DOCK2: variants seen among roughly 807,000 people sequenced by gnomAD.
DOCK2 encodes dedicator of cytokinesis 2, also known as dedicator of cytokinesis protein 2.
Under a neutral mutation model 248.9 loss-of-function variants are expected in DOCK2, and 87 were observed. The observed-to-expected ratio is 0.35, with a 90% CI of 0.29 to 0.42. The LOEUF (loss-of-function observed/expected upper bound fraction) is 0.42, where lower values mean the gene tolerates loss of function less well. DOCK2 is among the 10% of genes least tolerant of loss of function. The pLI is 1.00. For synonymous variants in DOCK2, 805 were observed against 821.6 expected, an observed-to-expected ratio of 0.98 and a Z score of 0.35; for missense variants, 1,747 against 2,300.2, an observed-to-expected ratio of 0.76 and a Z score of 4.92.
At chr5:169,913,516 G>T (rs752960494) in intron 27 of DOCK2, among the ~76,000 whole-genome samples, 1 of 152,134 alleles carries the variant, frequency 6.6e-6, no homozygotes, top group Non-Finnish European at 1.5e-5. Flanking sequence ...TTGGGAGATG[G>T]TGTTTAAATG....
Position 170,057,651 on chromosome 5 carries a change from G to T in DOCK2, c.4452G>T (p.Val1484=). ...KLPGILRWFE[V]VHMSQTTISP... Reference sequence around the variant, plus strand: ...CGGGGATCCTGCGCTGGTTTGAGGTGGTGCACATGTCGCAGGTGAGTCTGG... The same window carrying T: ...CGGGGATCCTGCGCTGGTTTGAGGTTGTGCACATGTCGCAGGTGAGTCTGG... Residue 1484 remains valine (V), a synonymous_variant, in exon 44 of 52, where the codon GTG becomes GTT. Transcript: ENST00000520908. 1 of 1,611,924 alleles carries T rather than the reference G, an allele frequency of 6.2e-7. No homozygotes were observed. The highest frequency in any genetic ancestry group is 8.5e-7 in the Non-Finnish European group (1 of 1,178,646).
intron 2 of DOCK2, among the ~76,000 whole-genome samples, chr5:169,663,118 T>C (rs1199750975): frequency 6.6e-6 from 1 of 152,238 alleles, no homozygotes; most frequent in Admixed American, 6.5e-5. Context: ...ACAAAGGGGC[T>C]ACAGGCCTCA....
chr5:169,849,980 A>T (rs906528178), intron 27 of DOCK2, among the ~76,000 whole-genome samples: 1 of 152,224 alleles, frequency 6.6e-6, no homozygotes, highest in Non-Finnish European at 1.5e-5. Flanking sequence ...CACACAAACC[A>T]TCATTCTTTT....
intron 1 of DOCK2, among the ~76,000 whole-genome samples, chr5:169,646,039 A>G (rs264874): frequency 0.52 from 79,251 of 152,034 alleles, 20,744 homozygotes; most frequent in Non-Finnish European, 0.56. Flanking sequence ...ATGAGCCACC[A>G]CGCCCAGCCT....
chr5:169,924,230 A>G (rs2113660275), intron 27 of DOCK2, among the ~76,000 whole-genome samples: 1 of 152,320 alleles, frequency 6.6e-6, no homozygotes, highest in South Asian at 2.1e-4. Flanking sequence ...AGCCACACAC[A>G]CTAGCTCTGG....
At chr5:169,706,844 A>T (rs1761295236) in intron 14 of DOCK2, among the ~76,000 whole-genome samples, 1 of 152,140 alleles carries the variant, frequency 6.6e-6, no homozygotes, top group African/African-American at 2.4e-5. Context: ...ACAAGGGGAG[A>T]TTTCCAGTGT....
chr5:169,818,835 T>A (rs1456043947), intron 26 of DOCK2, among the ~76,000 whole-genome samples: 1 of 152,180 alleles, frequency 6.6e-6, no homozygotes, highest in African/African-American at 2.4e-5. Flanking sequence ...TATTAATAAT[T>A]TCAGGTGAGT....
intron 27 of DOCK2, among the ~76,000 whole-genome samples, chr5:169,918,590 C>G (rs1775002834): frequency 6.6e-6 from 1 of 152,146 alleles, no homozygotes; most frequent in Admixed American, 6.5e-5. Flanking sequence ...AGAATATTGT[C>G]CAATATGATA....
At chr5:170,069,280 C>A in intron 46 of DOCK2, 60 bp downstream of exon 46, 1 of 1,562,770 alleles carries the variant, frequency 6.4e-7, no homozygotes, top group South Asian at 1.1e-5. Flanking sequence ...CACCGTGGTT[C>A]ACTTGCCCCA....
intron 27 of DOCK2, among the ~76,000 whole-genome samples, chr5:169,871,174 A>G (rs1177172208): frequency 6.6e-6 from 1 of 152,184 alleles, no homozygotes; most frequent in Non-Finnish European, 1.5e-5. Flanking sequence ...GGCATTAGGA[A>G]TTAATCTGAA....
At chr5:169,691,703 C>T (rs1760312715) in intron 9 of DOCK2, among the ~76,000 whole-genome samples, 1 of 152,066 alleles carries the variant, frequency 6.6e-6, no homozygotes, top group South Asian at 2.1e-4. Context: ...TATTTCCTCC[C>T]TCTCTGGATG....
chr5:169,700,850 G>A (rs560377056), intron 13 of DOCK2, among the ~76,000 whole-genome samples: 22 of 151,596 alleles, frequency 1.5e-4, no homozygotes, highest in African/African-American at 3.4e-4. Context: ...CAAGAAATTC[G>A]GAGAGGGGAG....
chr5:169,770,131 GA>G (rs1765004524), intron 25 of DOCK2, among the ~76,000 whole-genome samples: 1 of 152,064 alleles, frequency 6.6e-6, no homozygotes, highest in Non-Finnish European at 1.5e-5. Context: ...ATCCACACAA[GA>G]CATGCTTTTA....
intron 25 of DOCK2, among the ~76,000 whole-genome samples, chr5:169,774,424 TA>T (rs1175941560): frequency 6.6e-6 from 1 of 152,162 alleles, no homozygotes; most frequent in East Asian, 1.9e-4. Context: ...TAAGGAGGTT[TA>T]AAAACTTGCC....
At chr5:169,927,710 G>A (rs1023984211) in intron 27 of DOCK2, among the ~76,000 whole-genome samples, 1 of 152,162 alleles carries the variant, frequency 6.6e-6, no homozygotes, top group African/African-American at 2.4e-5. Flanking sequence ...TCCGCTTCCC[G>A]AGTTCATGCC....
At chr5:169,786,878 G>A (rs1322865714) in intron 25 of DOCK2, among the ~76,000 whole-genome samples, 1 of 152,072 alleles carries the variant, frequency 6.6e-6, no homozygotes, top group Non-Finnish European at 1.5e-5. Flanking sequence ...TAAGTATATA[G>A]TAAATCTATT....
intron 27 of DOCK2, among the ~76,000 whole-genome samples, chr5:169,848,224 C>T (rs1042693501): frequency 2.6e-5 from 4 of 152,200 alleles, no homozygotes; most frequent in Non-Finnish European, 5.9e-5. Flanking sequence ...CTTGAGCCCT[C>T]ACACACAGGT....
At chr5:169,826,570 A>G (rs1387782612) in intron 26 of DOCK2, among the ~76,000 whole-genome samples, 2 of 152,154 alleles carry the variant, frequency 1.3e-5, no homozygotes, top group African/African-American at 4.8e-5. Flanking sequence ...TTGTGGGAAG[A>G]TCATAATCAG....
At chr5:169,689,180 C>A in intron 8 of DOCK2, 72 bp from the exon 9 acceptor site, 1 of 1,476,476 alleles carries the variant, frequency 6.8e-7, no homozygotes, top group Non-Finnish European at 9.5e-7. Context: ...ATAGTAGATG[C>A]TTGGTGAATG....
Sources: allele counts gnomAD v4.1 joint callset (sites outside exome capture counted in the v4.1 genomes callset), GRCh38; gene constraint gnomAD v4.1.1; transcripts MANE v1.5; gene names NCBI Gene and HGNC (gene_info 2026-07-23, HGNC 2026-07-21).